VOPP1: variants seen among roughly 807,000 people sequenced by gnomAD.
VOPP1 encodes WW domain binding protein VOPP1.
Under a neutral mutation model 23.5 loss-of-function variants are expected in VOPP1, and 8 were observed. That is an observed-to-expected ratio of 0.34 (90% CI 0.20 to 0.61). VOPP1 has a LOEUF of 0.61. Among genes scored for constraint, VOPP1 ranks in the 20% least tolerant of loss-of-function variants. VOPP1 has a pLI of 0.78. For synonymous variants in VOPP1, 83 were observed against 97.3 expected (o/e 0.85, Z 0.86); for missense variants, 174 against 238.1 (o/e 0.73, Z 1.77).
chr7:55,556,526 T>A (rs1410777887), intron 1 of VOPP1, among the ~76,000 whole-genome samples: 2 of 152,152 alleles, frequency 1.3e-5, no homozygotes, highest in African/African-American at 2.4e-5. Flanking sequence ...CGACAGGCCA[T>A]GATGGAACCT....
chr7:55,442,148 C>A (rs986998475), intron 4 of VOPP1, among the ~76,000 whole-genome samples: 1 of 152,164 alleles, frequency 6.6e-6, no homozygotes, highest in Non-Finnish European at 1.5e-5. Flanking sequence ...ATAGGCTTCT[C>A]AGACACAGTT....
intron 1 of VOPP1, among the ~76,000 whole-genome samples, chr7:55,556,642 C>A (rs959030605): frequency 6.6e-6 from 1 of 151,038 alleles, no homozygotes; most frequent in Admixed American, 6.6e-5. Flanking sequence ...TGGAACCCCC[C>A]CCCAAAACAC....
chr7:55,492,096 G>A (rs767919420), intron 4 of VOPP1, among the ~76,000 whole-genome samples, 186 bp downstream of exon 4: 2 of 152,182 alleles, frequency 1.3e-5, no homozygotes, highest in African/African-American at 2.4e-5. Flanking sequence ...GGTGACGGGC[G>A]TGCGATATAC....
chr7:55,464,597 A>T (rs1791587096), intron 4 of VOPP1, among the ~76,000 whole-genome samples: 1 of 152,142 alleles, frequency 6.6e-6, no homozygotes, highest in African/African-American at 2.4e-5. Context: ...AGTACCACTG[A>T]TTCCCTGCAG....
chr7:55,555,232 G>C (rs1397665001), intron 1 of VOPP1, among the ~76,000 whole-genome samples: 2 of 152,146 alleles, frequency 1.3e-5, no homozygotes, highest in Non-Finnish European at 2.9e-5. Context: ...AAGCCTGAAG[G>C]GGGAAGCGAC....
At chr7:55,486,097 C>T (rs1054560201) in intron 4 of VOPP1, among the ~76,000 whole-genome samples, 1 of 152,242 alleles carries the variant, frequency 6.6e-6, no homozygotes, top group African/African-American at 2.4e-5. Context: ...GAGGCTCCGG[C>T]TCCACCTCAG....
downstream of VOPP1, among the ~76,000 whole-genome samples, chr7:55,468,732 G>A (rs1450159934): frequency 1.3e-5 from 2 of 152,246 alleles, no homozygotes; most frequent in African/African-American, 4.8e-5. Flanking sequence ...GGCTGTCAAT[G>A]ACACCAATGT....
chr7:55,522,461 T>C (rs977381173), intron 1 of VOPP1, among the ~76,000 whole-genome samples: 2 of 152,200 alleles, frequency 1.3e-5, no homozygotes, highest in Non-Finnish European at 2.9e-5. Flanking sequence ...GCTGACGAAA[T>C]CAATTTATTT....
At chr7:55,527,490 C>T (rs1053048449) in intron 1 of VOPP1, among the ~76,000 whole-genome samples, 4 of 152,194 alleles carry the variant, frequency 2.6e-5, no homozygotes, top group East Asian at 1.9e-4. Context: ...AAACCTTAAA[C>T]GAAGCCCAAC....
intron 2 of VOPP1, among the ~76,000 whole-genome samples, chr7:55,520,432 G>A (rs61582811): frequency 0.1 from 15,882 of 152,144 alleles, 992 homozygotes; most frequent in East Asian, 0.27. Flanking sequence ...ACTGAGGCAG[G>A]TGGCTCCACA....
At chr7:55,444,420 C>T (rs931670030) in intron 4 of VOPP1, among the ~76,000 whole-genome samples, 6 of 152,190 alleles carry the variant, frequency 3.9e-5, no homozygotes, top group Non-Finnish European at 8.8e-5. Flanking sequence ...GCTTGAGTCC[C>T]TATGACATGG....
chr7:55,544,624 G>C (rs778043680), intron 1 of VOPP1, among the ~76,000 whole-genome samples: 5 of 152,178 alleles, frequency 3.3e-5, no homozygotes, highest in Non-Finnish European at 5.9e-5. Context: ...GTTTCAGGGA[G>C]GACCTCACCA....
chr7:55,457,915 T>C (rs1791409015), intron 4 of VOPP1, among the ~76,000 whole-genome samples: 1 of 152,184 alleles, frequency 6.6e-6, no homozygotes, highest in Non-Finnish European at 1.5e-5. Context: ...CTGTTGACTG[T>C]TTCCTTTGTT....
chr7:55,461,007 ATG>A (rs1791486889), intron 4 of VOPP1, among the ~76,000 whole-genome samples: 1 of 151,914 alleles, frequency 6.6e-6, no homozygotes, highest in South Asian at 2.1e-4. Context: ...TATATTATAT[ATG>A]TGTGTTTTAT....
intron 1 of VOPP1, chr7:55,537,656 C>T: frequency 1.3e-6 from 2 of 1,510,068 alleles, no homozygotes; most frequent in Non-Finnish European, 1.8e-6. Flanking sequence ...CGCCCGCAGA[C>T]CCTGCAGTAT....
intron 4 of VOPP1, among the ~76,000 whole-genome samples, chr7:55,457,281 C>T (rs1346929972): frequency 6.6e-6 from 1 of 152,122 alleles, no homozygotes; most frequent in Admixed American, 6.5e-5. Context: ...TTTAATGTTG[C>T]TGCAAATGAC....
intron 2 of VOPP1, among the ~76,000 whole-genome samples, chr7:55,512,697 A>C: frequency 6.6e-6 from 1 of 152,188 alleles, no homozygotes; most frequent in Non-Finnish European, 1.5e-5. Context: ...GCACTCAGCT[A>C]GGGAAGCGCC....
chr7:55,521,767 T>G, intron 1 of VOPP1: 39 of 973,240 alleles, frequency 4.0e-5, no homozygotes, highest in South Asian at 9.4e-5. Context: ...GGTGGGTGAG[T>G]GCACACAGGC....
At chr7:55,554,413 G>GT (rs1797732297) in intron 1 of VOPP1, among the ~76,000 whole-genome samples, 1 of 152,184 alleles carries the variant, frequency 6.6e-6, no homozygotes, top group South Asian at 2.1e-4. Context: ...AAGAAGAAAA[G>GT]TAACAGATCA....
Sources: allele counts gnomAD v4.1 joint callset (sites outside exome capture counted in the v4.1 genomes callset), GRCh38; gene constraint gnomAD v4.1.1; transcripts MANE v1.5; gene names NCBI Gene and HGNC (gene_info 2026-07-23, HGNC 2026-07-21).